C6orf132: variants seen among roughly 807,000 people sequenced by gnomAD.
C6orf132 encodes the protein uncharacterized protein C6orf132.
In C6orf132, 43 loss-of-function variants were observed where a neutral mutation model predicts 65.3. The ratio of observed to expected loss-of-function variants is 0.66; its 90% confidence interval spans 0.52 to 0.85. The LOEUF (loss-of-function observed/expected upper bound fraction) is 0.85, where lower values mean the gene tolerates loss of function less well. Ranked by LOEUF, C6orf132 falls within the 40% of genes least tolerant of loss-of-function variation. The pLI is 0.00. For synonymous variants in C6orf132, 631 were observed against 654.1 expected (o/e 0.96, Z 0.54); for missense variants, 1,488 against 1,548.8 (o/e 0.96, Z 0.66).
chr6:42,119,341 C>CTTTTTT (rs36124736), intron 2 of C6orf132, among the ~76,000 whole-genome samples: 1 of 78,214 alleles, frequency 1.3e-5, no homozygotes. Context: ...AGCTTTCCAG[C>CTTTTTT]TTTTTTTTTT....
chr6:42,107,648 T>C, intron 3 of C6orf132, 65 bp from the exon 4 acceptor site: 1 of 1,545,802 alleles, frequency 6.5e-7, no homozygotes, highest in Non-Finnish European at 8.7e-7. Context: ...CAATTTCTGT[T>C]TACCCAGGGC....
intron 1 of C6orf132, among the ~76,000 whole-genome samples, chr6:42,129,104 C>T (rs1766813856): frequency 6.6e-6 from 1 of 152,218 alleles, no homozygotes; most frequent in Non-Finnish European, 1.5e-5. Flanking sequence ...TTTTGGAGCC[C>T]AGGAAGCCCG....
intron 2 of C6orf132, among the ~76,000 whole-genome samples, chr6:42,120,542 G>A (rs199939397): frequency 1.3e-3 from 192 of 151,792 alleles, no homozygotes; most frequent in East Asian, 0.012. Flanking sequence ...CACCGTGCCC[G>A]GCCTGAGGTT....
At chr6:42,116,780 C>T (rs1349494873) in intron 2 of C6orf132, among the ~76,000 whole-genome samples, 3 of 152,136 alleles carry the variant, frequency 2.0e-5, no homozygotes, top group Non-Finnish European at 4.4e-5. Flanking sequence ...TTTTCCTATC[C>T]CACTGTAGCT....
rs959871864 is a variant in C6orf132, at chr6:42,105,813, G to A, written c.2099C>T (p.Thr700Ile). ...AIASTATTLP[T>I]TTSQLMAEKD... ...CTCTGCCATCAGTTGGGATGTGGTG[G>A]TGGGCAGAGTTGTGGCTGTAGATGC... Residue 700 changes from threonine to isoleucine, a missense_variant, in exon 4 of 5, where the codon ACC becomes ATC. Physicochemically the swap from Thr to Ile is moderately conservative, Grantham distance 89. Transcript: ENST00000341865. 6.5e-7 allele frequency: 1 copy of A among 1,537,322 alleles called. No individual in the cohort carries two copies.
chr6:42,131,680 G>A (rs563326429), intron 1 of C6orf132, among the ~76,000 whole-genome samples: 4 of 152,284 alleles, frequency 2.6e-5, no homozygotes, highest in African/African-American at 7.2e-5. Flanking sequence ...GGATGGAGTC[G>A]GATCTGAACT....
intron 2 of C6orf132, among the ~76,000 whole-genome samples, chr6:42,127,630 C>G (rs979880900): frequency 9.2e-5 from 14 of 152,242 alleles, no homozygotes; most frequent in Non-Finnish European, 1.9e-4. Context: ...AATACTAAAC[C>G]CTCATGGAGG....
At chr6:42,125,588 C>T (rs989884880) in intron 2 of C6orf132, among the ~76,000 whole-genome samples, 4 of 152,318 alleles carry the variant, frequency 2.6e-5, no homozygotes, top group South Asian at 4.1e-4. Flanking sequence ...TTTCAGCCGT[C>T]GGTTCACCAT....
Position 42,106,619 on chromosome 6 carries a change from T to C in C6orf132, c.1293A>G (p.Thr431=), listed in dbSNP as rs188670180. Residue 431 remains threonine (T), a synonymous_variant, in exon 4 of 5, where the codon ACA becomes ACG. Coordinates refer to ENST00000341865, the MANE Select transcript of C6orf132 (RefSeq NM_001164446.3). ...QKAAHPPAGF[T]KTPKSSSPAL... ...CAGGAGAGCTGGATTTAGGGGTTTT[T>C]GTAAACCCAGCAGGTGGATGGGCTG... 20,977 of 1,532,442 alleles carry C rather than the reference T, an allele frequency of 0.014. 312 individuals are homozygous for C. Among genetic ancestry groups the C allele is most frequent in the African/African-American group, 0.074 (5,356 of 72,214 alleles). 94.9% of individuals were successfully genotyped at this position (1,532,442 alleles called of 1,614,324 possible).
chr6:42,119,087 A>G (rs1358591344), intron 2 of C6orf132, among the ~76,000 whole-genome samples: 1 of 146,346 alleles, frequency 6.8e-6, no homozygotes, highest in Non-Finnish European at 1.5e-5. Context: ...AAAAAAAAGA[A>G]AAAAAAAATA....
intron 2 of C6orf132, among the ~76,000 whole-genome samples, chr6:42,115,650 A>T (rs1458886979): frequency 6.6e-6 from 1 of 152,196 alleles, no homozygotes; most frequent in Non-Finnish European, 1.5e-5. Context: ...CGTCTCAAAA[A>T]AATAAAATAA....
chr6:42,134,933 A>G (rs1009981488), intron 1 of C6orf132, among the ~76,000 whole-genome samples: 4 of 152,122 alleles, frequency 2.6e-5, no homozygotes, highest in African/African-American at 7.2e-5. Flanking sequence ...CCTGGGAGGC[A>G]GAGGTCGTAG....
intron 2 of C6orf132, among the ~76,000 whole-genome samples, chr6:42,114,227 C>G (rs1479395028): frequency 1.3e-5 from 2 of 152,192 alleles, no homozygotes; most frequent in Non-Finnish European, 2.9e-5. Flanking sequence ...TTCTTAGGTC[C>G]CTATTCTGAC....
intron 1 of C6orf132, among the ~76,000 whole-genome samples, chr6:42,140,673 T>A (rs1767017386): frequency 6.6e-6 from 1 of 152,238 alleles, no homozygotes; most frequent in Non-Finnish European, 1.5e-5. Flanking sequence ...GCCTCCAGCA[T>A]TGAAAGCTGT....
intron 3 of C6orf132, 86 bp downstream of exon 3, chr6:42,110,130 T>G: frequency 9.1e-7 from 1 of 1,097,754 alleles, no homozygotes; most frequent in Non-Finnish European, 1.3e-6. Flanking sequence ...TCACCAGCTG[T>G]GAAGATGAGC....
chr6:42,105,737 A>G lies in C6orf132; in HGVS notation c.2175T>C (p.Val725=). The part of the protein sequence containing the change: ...GQPEKPASQE[V]STPSQARGEG... ...CTCCCCTTGCCTGGGAGGGAGTGGA[A>G]ACTTCTTGAGATGCTGGCTTCTCTG... Residue 725 remains valine, a synonymous_variant, in exon 4 of 5, where the codon GTT becomes GTC. Transcript: ENST00000341865. 6.5e-7 allele frequency: 1 copy of G among 1,537,270 alleles called. No individual in the cohort carries two copies. The highest frequency in any genetic ancestry group is 8.7e-7 in the Non-Finnish European group (1 of 1,146,902).
chr6:42,109,083 G>A (rs1766458102), intron 3 of C6orf132, among the ~76,000 whole-genome samples: 1 of 152,172 alleles, frequency 6.6e-6, no homozygotes, highest in South Asian at 2.1e-4. Context: ...TCACATTAGA[G>A]GATGAGTGCG....
intron 1 of C6orf132, among the ~76,000 whole-genome samples, chr6:42,140,337 AGTGGCTGAGAGGC>A (rs1177699279): frequency 1.3e-5 from 2 of 152,230 alleles, no homozygotes; most frequent in Non-Finnish European, 2.9e-5. Context: ...AAAATGCAGA[AGTGGCTGAGAGGC>A]GTGGCTGAGA....
At position 42,119,248 on chromosome 6, in the gene C6orf132, C is replaced by CAAAAAAAAA. The variant is rs1156356191; in HGVS notation, c.253-8966_253-8958dup. 6.5e-4 allele frequency among the ~76,000 whole-genome samples: 29 copies of CAAAAAAAAA among 44,780 alleles called. 1 individual carries two copies. Among genetic ancestry groups the CAAAAAAAAA allele is most frequent in the African/African-American group, 2.5e-3 (26 of 10,236 alleles). 29.4% of individuals were successfully genotyped at this position (44,780 alleles called of 152,430 possible). On this transcript the variant is annotated intron_variant, in intron 2 of 4. Coordinates refer to ENST00000341865, the MANE Select transcript of C6orf132 (RefSeq NM_001164446.3). ...TGGGCACAAGAGCAAGACTCTGTCT[C>CAAAAAAAAA]AAAAAAAAAAAAAAAAAAAAAAAAA...
Sources: gnomAD v4.1 joint callset for allele counts (sites outside exome capture counted in the v4.1 genomes callset) on GRCh38, gnomAD v4.1.1 for gene constraint, MANE v1.5 for transcripts, NCBI Gene and HGNC (gene_info 2026-07-23, HGNC 2026-07-21) for gene names.